Variants in SMARCC1 observed in about 807,000 individuals in gnomAD.
The protein encoded by SMARCC1 is SWI/SNF related BAF chromatin remodeling complex subunit C1.
In SMARCC1, 43 loss-of-function variants were observed where a neutral mutation model predicts 147.4. The ratio of observed to expected loss-of-function variants is 0.29; its 90% CI spans 0.23 to 0.38. SMARCC1 has a LOEUF of 0.38. Among genes scored for constraint, SMARCC1 ranks in the 10% least tolerant of loss-of-function variants. The probability of loss-of-function intolerance (pLI) is 1.00; values close to 1 mark genes in which losing one functional copy is unlikely to be tolerated. For missense variants in SMARCC1, 1,119 were observed against 1,381.1 expected, an observed-to-expected ratio of 0.81 and a Z score of 3.01; for synonymous variants, 495 against 484.4, an observed-to-expected ratio of 1.02 and a Z score of -0.29.
intron 25 of SMARCC1, among the ~76,000 whole-genome samples, chr3:47,611,883 G>C (rs1217416653): frequency 1.3e-5 from 2 of 152,178 alleles, no homozygotes; most frequent in Admixed American, 6.5e-5. Context: ...CAAATAAAGA[G>C]AGTAAACGGT....
intron 18 of SMARCC1, among the ~76,000 whole-genome samples, chr3:47,671,322 T>C (rs970870468): frequency 9.9e-5 from 15 of 152,224 alleles, no homozygotes; most frequent in African/African-American, 2.4e-4. Context: ...AAAAGGCATA[T>C]TGTTTTACTG....
intron 11 of SMARCC1, among the ~76,000 whole-genome samples, chr3:47,694,553 T>G (rs983733703): frequency 6.6e-6 from 1 of 152,162 alleles, no homozygotes; most frequent in Admixed American, 6.5e-5. Context: ...TGAGCTGAGA[T>G]CGCACCACTG....
chr3:47,763,354 T>C (rs903293912), intron 2 of SMARCC1, among the ~76,000 whole-genome samples: 1 of 150,704 alleles, frequency 6.6e-6, no homozygotes, highest in Non-Finnish European at 1.5e-5. Context: ...GGAGGATAGC[T>C]TGAGCCCAGG....
chr3:47,702,398 T>G (rs763309920), intron 10 of SMARCC1, among the ~76,000 whole-genome samples: 4 of 152,004 alleles, frequency 2.6e-5, no homozygotes, highest in Non-Finnish European at 5.9e-5. Flanking sequence ...AAATACATCA[T>G]AGAGAGATTG....
chr3:47,636,051 T>C lies in SMARCC1; in HGVS notation c.2462A>G (p.Asp821Gly), dbSNP rs1206221579. 6.3e-7 allele frequency: 1 copy of C among 1,596,532 alleles called. No homozygotes were observed. The highest frequency in any genetic ancestry group is 8.6e-7 in the Non-Finnish European group (1 of 1,164,670). ...ENEKNSEKEQ[D>G]SEVSEDTKSE... ...TTTGGTATCCTCACTCACTTCACTATCCTGTTCCTTTTCACTATTTTTTTC... is the reference window on the plus strand; with the variant it reads ...TTTGGTATCCTCACTCACTTCACTACCCTGTTCCTTTTCACTATTTTTTTC... The change falls in exon 23 of 28, where the codon GAT (aspartate) becomes GGT (glycine). Residue 821 changes from aspartate (D) to glycine (G), a missense_variant. Asp to Gly is a moderately conservative substitution (Grantham distance 94). Around this residue, in one of 6 missense-constraint regions of SMARCC1, gnomAD observed 157 missense variants for 158.6 expected, o/e 0.99. Coordinates refer to ENST00000254480, the MANE Select transcript of SMARCC1 (RefSeq NM_003074.4).
chr3:47,738,055 TA>T lies in SMARCC1; in HGVS notation c.456del (p.Phe152LeufsTer2). On this transcript the variant is annotated frameshift_variant, in exon 4 of 28. Coordinates refer to ENST00000254480, the MANE Select transcript of SMARCC1 (RefSeq NM_003074.4). LOFTEE classifies it high-confidence loss of function. ...TGCACCAATGTTTTTTCAATGTTCA[TA>T]AACATTTCCACATTACGATCCATTC... ...PSRMDRNVEM[F>X]MNIEKTLVQN... 1 of 1,602,018 alleles carries T rather than the reference TA, an allele frequency of 6.2e-7. No homozygotes were observed. The highest frequency in any genetic ancestry group is 8.5e-7 in the Non-Finnish European group (1 of 1,174,898).
chr3:47,769,731 ATTTG>A lies in SMARCC1; in HGVS notation c.315+3082_315+3085del, dbSNP rs1013400048. ...CCCCTGAGGACAAATAATATAAAGT[ATTTG>A]TTTGTATTCTTAGGACCCTGCACCT... On this transcript the variant is annotated intron_variant, in intron 2 of 27. Coordinates refer to ENST00000254480, the MANE Select transcript of SMARCC1 (RefSeq NM_003074.4). Among the ~76,000 whole-genome samples, 120 of 152,298 alleles carry A rather than the reference ATTTG, an allele frequency of 7.9e-4. 1 individual carries two copies. The Middle Eastern group carries it at 0.014, about 17-fold the overall frequency.
intron 7 of SMARCC1, among the ~76,000 whole-genome samples, chr3:47,716,246 G>A (rs966484468): frequency 2.0e-5 from 3 of 151,298 alleles, no homozygotes; most frequent in Admixed American, 6.6e-5. Flanking sequence ...GTGAAATCCC[G>A]TTTCTATTAA....
intron 26 of SMARCC1, among the ~76,000 whole-genome samples, chr3:47,591,376 T>G (rs1372088020): frequency 6.6e-6 from 1 of 151,238 alleles, no homozygotes; most frequent in Non-Finnish European, 1.5e-5. Context: ...TCCACAAATA[T>G]TTCTCCCATT....
rs754664934 is a variant in SMARCC1 at position 47,710,634 on chromosome 3, A to T, written c.918+49T>A. On this transcript the variant is annotated intron_variant, in intron 9 of 27. Transcript: ENST00000254480. ...TACTGATGAAGATTTAATAACATTTAGGCCAAGAAGACAGACTTAATGATG... is the reference window on the plus strand; with the variant it reads ...TACTGATGAAGATTTAATAACATTTTGGCCAAGAAGACAGACTTAATGATG... The T allele has an allele frequency of 1.8e-4, 285 of 1,587,190 alleles. 2 individuals are homozygous for T. Among genetic ancestry groups the T allele is most frequent in the Middle Eastern group, 1.7e-3 (10 of 5,958 alleles).
chr3:47,681,708 G>C (rs1027781146), intron 14 of SMARCC1, among the ~76,000 whole-genome samples: 3 of 151,944 alleles, frequency 2.0e-5, no homozygotes, highest in Admixed American at 1.3e-4. Context: ...TGGATTTGTA[G>C]GGTCAAATAC....
chr3:47,718,201 T>C (rs2034182948), intron 7 of SMARCC1, among the ~76,000 whole-genome samples: 1 of 150,216 alleles, frequency 6.7e-6, no homozygotes, highest in Non-Finnish European at 1.5e-5. Context: ...TCCCAGCACT[T>C]TGGGAGGCCA....
intron 16 of SMARCC1, among the ~76,000 whole-genome samples, chr3:47,677,956 G>C (rs919468917): frequency 6.6e-6 from 1 of 151,968 alleles, no homozygotes; most frequent in African/African-American, 2.4e-5. Context: ...ATCGAGACCA[G>C]CCTTGGCAAC....
intron 4 of SMARCC1, 112 bp from the exon 5 acceptor site, chr3:47,736,238 T>G (rs527626407): frequency 1.7e-6 from 1 of 603,960 alleles, no homozygotes; most frequent in Non-Finnish European, 2.9e-6. Context: ...CAAAAAATAT[T>G]GAGAAGCATG....
rs2034662514 is a variant in SMARCC1 at position 47,754,292 on chromosome 3, TC to T, written c.316-8300del. Among the ~76,000 whole-genome samples the T allele has an allele frequency of 2.6e-5, 4 of 151,572 alleles. No individual in the cohort carries two copies. In the South Asian group the frequency reaches 8.3e-4, roughly 32 times the overall value. ...ATTTCAGCTCACTGCAACCTCCGCC[TC>T]CCAGGTTCAAGCAATTCTCCTGCCT... On this transcript the variant is annotated intron_variant, in intron 2 of 27. Coordinates refer to ENST00000254480, the MANE Select transcript of SMARCC1 (RefSeq NM_003074.4).
At position 47,781,627 on chromosome 3, in the gene SMARCC1, G is replaced by T; in HGVS notation, c.171C>A (p.Val57=). The T allele has an allele frequency of 6.4e-7, 1 of 1,554,204 alleles. No homozygotes were observed. The highest frequency in any genetic ancestry group is 2.0e-5 in the Admixed American group (1 of 50,478). ...CCTTCTTGTAGTGCTTGCCCAGCCAGACCCGCACCGAATCCAGCTGGGACA... is the reference window on the plus strand; with the variant it reads ...CCTTCTTGTAGTGCTTGCCCAGCCATACCCGCACCGAATCCAGCTGGGACA... ...ETVSQLDSVR[V]WLGKHYKKYV... is the part of the protein sequence containing the mutation. Residue 57 remains valine (V), a synonymous_variant, in exon 1 of 28, where the codon GTC becomes GTA. Transcript: ENST00000254480.
chr3:47,716,083 A>AAT (rs2034152639), intron 7 of SMARCC1, among the ~76,000 whole-genome samples: 1 of 151,398 alleles, frequency 6.6e-6, no homozygotes, highest in Non-Finnish European at 1.5e-5. Context: ...GACAAGTATT[A>AAT]GCTTCCTTTT....
At position 47,616,645 on chromosome 3, in the gene SMARCC1, C is replaced by G. The variant is rs891767924; in HGVS notation, c.2781+5562G>C. On this transcript the variant is annotated intron_variant, in intron 25 of 27. Coordinates refer to ENST00000254480, the MANE Select transcript of SMARCC1 (RefSeq NM_003074.4). ...ATTTTTAGTAGAGACGGGGTTTCAC[C>G]ATGTTGGCCAGGCTGGTCTCAAACC... is the stretch of plus-strand genomic sequence containing the variant. Among the ~76,000 whole-genome samples the G allele has an allele frequency of 6.6e-5, 10 of 151,740 alleles. No individual in the cohort carries two copies. The East Asian group carries it at 1.7e-3, about 26-fold the overall frequency.
intron 25 of SMARCC1, among the ~76,000 whole-genome samples, chr3:47,614,671 A>G (rs1192392995): frequency 1.3e-5 from 2 of 152,068 alleles, no homozygotes; most frequent in Admixed American, 6.6e-5. Flanking sequence ...CCAAGCCACC[A>G]TATCTCACGT....
Sources: gnomAD v4.1 joint callset for allele counts (sites outside exome capture counted in the v4.1 genomes callset) on GRCh38, gnomAD v4.1.1 for gene constraint, gnomAD v4.1.1 regional missense constraint, MANE v1.5 for transcripts, NCBI Gene and HGNC (gene_info 2026-07-23, HGNC 2026-07-21) for gene names.